PISD: variants seen among roughly 807,000 people sequenced by gnomAD.
PISD encodes the protein phosphatidylserine decarboxylase.
In PISD, 31 loss-of-function variants were observed where a neutral mutation model predicts 43.5. The observed-to-expected ratio is 0.71, with a 90% CI of 0.54 to 0.96. The LOEUF is 0.96. Ranked by LOEUF, PISD falls within the 40% of genes least tolerant of loss-of-function variation. PISD has a pLI of 0.00. For missense variants in PISD, 523 were observed against 548.4 expected (o/e 0.95, Z 0.46); for synonymous variants, 259 against 228.7 (o/e 1.13, Z -1.20).
At chr22:31,647,652 G>A (rs2073922277) in intron 3 of PISD, among the ~76,000 whole-genome samples, 1 of 152,144 alleles carries the variant, frequency 6.6e-6, no homozygotes, top group Non-Finnish European at 1.5e-5. Flanking sequence ...CCGTAACAAT[G>A]CAGGCTGCCC....
intron 1 of PISD, among the ~76,000 whole-genome samples, chr22:31,661,220 T>C (rs942689249): frequency 1.3e-5 from 2 of 152,198 alleles, no homozygotes; most frequent in Admixed American, 6.5e-5. Context: ...AGACCAATGA[T>C]GGTTTCTGTT....
chr22:31,638,479 G>A, intron 3 of PISD: 1 of 985,540 alleles, frequency 1.0e-6, no homozygotes, highest in South Asian at 4.7e-5. Flanking sequence ...GAACAGGGAA[G>A]AGGGAGAAAC....
chr22:31,638,574 C>A, intron 3 of PISD: 10 of 985,160 alleles, frequency 1.0e-5, no homozygotes, highest in Non-Finnish European at 1.2e-5. Context: ...CACCCGCAGG[C>A]CACTCCTCCC....
chr22:31,636,933 C>T (rs2073460804), intron 3 of PISD, among the ~76,000 whole-genome samples: 1 of 151,574 alleles, frequency 6.6e-6, no homozygotes, highest in African/African-American at 2.4e-5. Flanking sequence ...ATCTCGGTCT[C>T]CCAAAGTGCT....
intron 6 of PISD, 39 bp downstream of exon 6, chr22:31,620,957 C>T (rs1430972642): frequency 6.3e-7 from 1 of 1,583,216 alleles, no homozygotes; most frequent in Non-Finnish European, 8.6e-7. Context: ...TATATGAAGC[C>T]CACAGAGGCA....
In PISD at chr22:31,630,794, G is replaced by C. The variant is rs1323203470; in HGVS notation, c.322-8909C>G. 16 of 985,466 alleles carry C rather than the reference G, an allele frequency of 1.6e-5. No individual in the cohort carries two copies. In the Admixed American group the frequency reaches 9.8e-4, roughly 61 times the overall value. 61.0% of individuals were successfully genotyped at this position (985,466 alleles called of 1,614,324 possible). On this transcript the variant is annotated intron_variant, in intron 3 of 7. Transcript: ENST00000439502. The surrounding 1 kb of genome is among the most constrained non-coding windows in gnomAD (Gnocchi z 4.4). ...CCGGCAGGGCCGGGGCGCCGGCTCCGCTCACTCACCCGCAGGTGGCTCCAG... is the reference window on the plus strand; with the variant it reads ...CCGGCAGGGCCGGGGCGCCGGCTCCCCTCACTCACCCGCAGGTGGCTCCAG...
intron 3 of PISD, chr22:31,629,932 G>A (rs1010371644): frequency 6.6e-6 from 1 of 152,168 alleles, no homozygotes; most frequent in Non-Finnish European, 1.5e-5. Context: ...GAAACTTCCA[G>A]GGCCCCAAAT....
chr22:31,629,196 C>T lies in PISD; in HGVS notation c.322-7311G>A, dbSNP rs544803886. ...ATGACCCCAGGCCAGGCAGCAGTTACTACAGGTTGGGTTGGGGCCTGCAAG... is the reference window on the plus strand; with the variant it reads ...ATGACCCCAGGCCAGGCAGCAGTTATTACAGGTTGGGTTGGGGCCTGCAAG... On this transcript the variant is annotated intron_variant, in intron 3 of 7. Transcript: ENST00000439502. 2.9e-5 allele frequency: 29 copies of T among 985,358 alleles called. No individual in the cohort carries two copies. The South Asian group carries it at 1.3e-3, about 45-fold the overall frequency. The allele number at this position is 985,358 out of a possible 1,614,324, so 61.0% of individuals were successfully genotyped here.
At chr22:31,625,411 G>A (rs2072847035) in intron 3 of PISD, among the ~76,000 whole-genome samples, 1 of 152,246 alleles carries the variant, frequency 6.6e-6, no homozygotes, top group Admixed American at 6.5e-5. Flanking sequence ...CCCATGGGCA[G>A]GAAGGGGAAT....
chr22:31,655,769 G>C (rs968837919), intron 1 of PISD, among the ~76,000 whole-genome samples: 1 of 152,086 alleles, frequency 6.6e-6, no homozygotes, highest in Non-Finnish European at 1.5e-5. Flanking sequence ...CAAGTAGCTG[G>C]GATTACAGGC....
intron 3 of PISD, among the ~76,000 whole-genome samples, chr22:31,624,449 T>G (rs561737108): frequency 6.6e-6 from 1 of 152,206 alleles, no homozygotes; most frequent in South Asian, 2.1e-4. Flanking sequence ...CCTCATCTGC[T>G]AAATTACGGG....
upstream of PISD, chr22:31,662,440 ACTC>A (rs1285142585): frequency 1.1e-5 from 6 of 542,898 alleles, no homozygotes; most frequent in Admixed American, 6.5e-5. Flanking sequence ...CAGCACTGCC[ACTC>A]CTCCTCCTTC....
chr22:31,632,200 A>T (rs561852594), intron 3 of PISD: 148 of 984,010 alleles, frequency 1.5e-4, no homozygotes, highest in Non-Finnish European at 1.8e-4. Flanking sequence ...CAGCCCAAGC[A>T]AGTGCCACAT....
intron 1 of PISD, among the ~76,000 whole-genome samples, chr22:31,658,989 G>A (rs1174106193): frequency 6.6e-6 from 1 of 151,766 alleles, no homozygotes; most frequent in Non-Finnish European, 1.5e-5. Flanking sequence ...AGGTGGCTGG[G>A]ACTACATGTA....
Position 31,621,582 on chromosome 22 carries a change from AGG to A in PISD, c.558+65_558+66del, listed in dbSNP as rs139533545. The A allele has an allele frequency of 3.1e-3, 4,881 of 1,596,276 alleles. 49 individuals are homozygous for A. The highest frequency in any genetic ancestry group is 0.023 in the Middle Eastern group (136 of 5,928). The stretch of plus-strand genomic sequence containing the variant: ...GCCCCTTCCAGATACGCTGGAGACC[AGG>A]GGGGCTGTGCTGGGGAGGCAGGAAA... On this transcript the variant is annotated intron_variant, in intron 4 of 7. Transcript: ENST00000439502.
chr22:31,661,939 C>G (rs1019798674), intron 1 of PISD, among the ~76,000 whole-genome samples: 1 of 152,160 alleles, frequency 6.6e-6, no homozygotes, highest in Non-Finnish European at 1.5e-5. Flanking sequence ...GGGCAAAGCG[C>G]GAGCTTCTAG....
At position 31,618,959 on chromosome 22, in the gene PISD, T is replaced by G. The variant is rs1603389861; in HGVS notation, c.*653A>C. ...GAGGACCTGGCCAGCTCCAGAAGGGTCACTCATCAGGTCCTGCAAAGGTCT... is the reference window on the plus strand; with the variant it reads ...GAGGACCTGGCCAGCTCCAGAAGGGGCACTCATCAGGTCCTGCAAAGGTCT... On this transcript the variant is annotated 3_prime_UTR_variant, in exon 8 of 8. Coordinates refer to ENST00000439502, the MANE Select transcript of PISD (RefSeq NM_001326411.2). 1 of 164,460 alleles carries G rather than the reference T, an allele frequency of 6.1e-6. No homozygotes were observed. The highest frequency in any genetic ancestry group is 1.8e-4 in the East Asian group (1 of 5,634). 10.2% of individuals were successfully genotyped at this position (164,460 alleles called of 1,614,324 possible).
chr22:31,619,978 ATC>A (rs140538746), intron 7 of PISD, 142 bp from the exon 8 acceptor site: 24,688 of 630,446 alleles, frequency 0.039, 690 homozygotes, highest in African/African-American at 0.078. Context: ...TGGGGATGGC[ATC>A]TCAGGGCCAG....
At chr22:31,662,355 A>C, upstream of PISD, 1 of 765,852 alleles carries the variant, frequency 1.3e-6, no homozygotes, top group South Asian at 1.5e-5. Flanking sequence ...GCTACTCCCC[A>C]CCTAACCCGC....
Sources: gnomAD v4.1 joint callset for allele counts (sites outside exome capture counted in the v4.1 genomes callset) on GRCh38, gnomAD v4.1.1 for gene constraint, Gnocchi (gnomAD v3.1) non-coding constraint, MANE v1.5 for transcripts, NCBI Gene and HGNC (gene_info 2026-07-23, HGNC 2026-07-21) for gene names.